Variants in STK3 observed in about 807,000 individuals in gnomAD.
The protein encoded by STK3 is serine/threonine-protein kinase 3.
STK3 carries 41 observed loss-of-function variants against 58.0 expected under a neutral mutation model. The observed-to-expected ratio is 0.71, with a 90% CI of 0.55 to 0.92. The LOEUF (loss-of-function observed/expected upper bound fraction) is 0.92, where lower values mean the gene tolerates loss of function less well. STK3 is among the 40% of genes least tolerant of loss of function. STK3 has a pLI of 0.00. For synonymous variants in STK3, 170 were observed against 191.0 expected (o/e 0.89, Z 0.91); for missense variants, 479 against 602.7 (o/e 0.79, Z 2.15).
intron 6 of STK3, among the ~76,000 whole-genome samples, chr8:98,644,654 A>G (rs1479893905): frequency 2.6e-5 from 4 of 152,168 alleles, no homozygotes; most frequent in African/African-American, 7.2e-5. Context: ...TTATTATATT[A>G]AAATATTTTT....
intron 3 of STK3, chr8:98,430,798 T>C (rs1014813647): frequency 1.2e-5 from 2 of 167,052 alleles, no homozygotes; most frequent in African/African-American, 4.8e-5. Context: ...GTTCATAAAA[T>C]GTCATAAAAA....
rs1831564978 is a variant in STK3 at position 98,774,869 on chromosome 8, T to C, written c.27-50A>G. 4 of 1,349,432 alleles carry C rather than the reference T, an allele frequency of 3.0e-6. No individual in the cohort carries two copies. The South Asian group carries it at 4.7e-5, about 16-fold the overall frequency. The allele number at this position is 1,349,432 out of a possible 1,614,324, so 83.6% of individuals were successfully genotyped here. ...GAAAATATTTTCTTTAAAGACCTTT[T>C]ACAAAATTTTTAATTTTTAAAATTT... On this transcript the variant is annotated intron_variant, in intron 1 of 10. Transcript: ENST00000419617.
intron 3 of STK3, among the ~76,000 whole-genome samples, chr8:98,842,025 A>C (rs929531972): frequency 3.3e-5 from 5 of 152,140 alleles, no homozygotes; most frequent in Admixed American, 1.3e-4. Flanking sequence ...AAAGAAAAAG[A>C]TAGCATTCAC....
chr8:98,570,711 T>C (rs1484463454), intron 8 of STK3, among the ~76,000 whole-genome samples: 2 of 152,158 alleles, frequency 1.3e-5, no homozygotes, highest in African/African-American at 4.8e-5. Context: ...AGTGATGGTA[T>C]AAGTAGTGGC....
rs184800511 is a variant in STK3, at chr8:98,481,159, A to G, written c.1318-25159T>C. Among the ~76,000 whole-genome samples, 937 of 152,108 alleles carry G rather than the reference A, an allele frequency of 6.2e-3. 4 individuals carry two copies. The highest frequency in any genetic ancestry group is 0.014 in the Middle Eastern group (4 of 294). ...TTTCAACCACTGCTAGAAAATCCAC[A>G]TGGATAAATGCTAGAATGAGGGCTA... is the stretch of plus-strand genomic sequence containing the variant. On this transcript the variant is annotated intron_variant, in intron 10 of 10. Coordinates refer to ENST00000419617, the MANE Select transcript of STK3 (RefSeq NM_006281.4).
At chr8:98,895,166 G>A (rs1211652603) in intron 1 of STK3, among the ~76,000 whole-genome samples, 3 of 152,054 alleles carry the variant, frequency 2.0e-5, no homozygotes, top group South Asian at 4.2e-4. Flanking sequence ...GCCACAAAGG[G>A]ATTAAAGTGT....
chr8:98,462,362 T>C (rs1196146734), intron 10 of STK3, among the ~76,000 whole-genome samples: 1 of 152,154 alleles, frequency 6.6e-6, no homozygotes, highest in African/African-American at 2.4e-5. Flanking sequence ...CCATATCTGT[T>C]TCTACTCATG....
At chr8:98,375,278 A>AAC (rs1817662127) in intron 2 of STK3, among the ~76,000 whole-genome samples, 1 of 148,804 alleles carries the variant, frequency 6.7e-6, no homozygotes, top group Non-Finnish European at 1.5e-5. Context: ...AAACAAAAAA[A>AAC]AACAAAAAAA....
chr8:98,553,713 C>T (rs550713693), intron 8 of STK3, among the ~76,000 whole-genome samples: 1 of 152,230 alleles, frequency 6.6e-6, no homozygotes, highest in African/African-American at 2.4e-5. Context: ...CCTTTAATCT[C>T]GACACTTTGG....
downstream of STK3, among the ~76,000 whole-genome samples, chr8:98,368,493 T>C (rs1817584729): frequency 6.6e-6 from 1 of 152,144 alleles, no homozygotes; most frequent in African/African-American, 2.4e-5. Flanking sequence ...CTTGACATGC[T>C]AACATGGGAG....
chr8:98,681,189 G>A (rs937862424), intron 6 of STK3, among the ~76,000 whole-genome samples: 103 of 152,070 alleles, frequency 6.8e-4, no homozygotes, highest in African/African-American at 2.4e-3. Context: ...AGTGGAGACA[G>A]GGTTTCACCA....
chr8:98,566,592 TA>T (rs1336100538), intron 8 of STK3, among the ~76,000 whole-genome samples: 1 of 152,128 alleles, frequency 6.6e-6, no homozygotes. Context: ...CTACATTATC[TA>T]AAAAGTTAGT....
chr8:98,919,888 C>T (rs901094404), intron 1 of STK3, among the ~76,000 whole-genome samples: 2 of 152,168 alleles, frequency 1.3e-5, no homozygotes, highest in African/African-American at 4.8e-5. Context: ...ATGGGGAATA[C>T]ACAAAAATGT....
At chr8:98,456,991 C>CA (rs1819543000) in intron 10 of STK3, among the ~76,000 whole-genome samples, 1 of 151,902 alleles carries the variant, frequency 6.6e-6, no homozygotes, top group Admixed American at 6.6e-5. Context: ...GAAGGAAATT[C>CA]AAAAAAGGAG....
At chr8:98,617,755 T>C (rs1249813526) in intron 6 of STK3, among the ~76,000 whole-genome samples, 6 of 151,654 alleles carry the variant, frequency 4.0e-5, no homozygotes, top group African/African-American at 1.5e-4. Flanking sequence ...CTCCCAAGAC[T>C]AAACCAGGAA....
At chr8:98,561,386 G>C (rs1489794258) in intron 8 of STK3, among the ~76,000 whole-genome samples, 2 of 151,572 alleles carry the variant, frequency 1.3e-5, no homozygotes, top group Admixed American at 1.3e-4. Flanking sequence ...CATATAACAT[G>C]CAAAACCATA....
intron 1 of STK3, among the ~76,000 whole-genome samples, chr8:98,900,964 T>C (rs1164277947): frequency 6.6e-6 from 1 of 152,216 alleles, no homozygotes; most frequent in Non-Finnish European, 1.5e-5. Context: ...ACCCGGCCTA[T>C]AGTTTTATAT....
rs932867492 is a variant in STK3, at chr8:98,800,170, C to G, written c.26+25345G>C. Among the ~76,000 whole-genome samples, 1 of 152,152 alleles carries G rather than the reference C, an allele frequency of 6.6e-6. No individual in the cohort carries two copies. ...TTTTAACCTCCTTGTTTTGTTTCCTCTAGAATTGAGGCCACCAAGCTACAG... is the reference window on the plus strand; with the variant it reads ...TTTTAACCTCCTTGTTTTGTTTCCTGTAGAATTGAGGCCACCAAGCTACAG... On this transcript the variant is annotated intron_variant, in intron 1 of 10. Transcript: ENST00000419617. This position sits in a 1 kb window ranked among gnomAD's most constrained non-coding sequence, Gnocchi z 4.8.
chr8:98,368,334 T>C (rs1260871048), downstream of STK3, among the ~76,000 whole-genome samples: 1 of 152,186 alleles, frequency 6.6e-6, no homozygotes, highest in East Asian at 1.9e-4. Context: ...TGAAACAGTC[T>C]CTGCAGTTTC....
Sources: gnomAD v4.1 joint callset for allele counts (sites outside exome capture counted in the v4.1 genomes callset) on GRCh38, gnomAD v4.1.1 for gene constraint, Gnocchi (gnomAD v3.1) non-coding constraint, MANE v1.5 for transcripts, NCBI Gene and HGNC (gene_info 2026-07-23, HGNC 2026-07-21) for gene names.